Variants in EFR3B observed in about 807,000 individuals in gnomAD.
EFR3B encodes the protein protein EFR3 homolog B.
A neutral mutation model predicts 104.7 loss-of-function variants in EFR3B; 64 were observed. The ratio of observed to expected loss-of-function variants is 0.61; its 90% CI spans 0.50 to 0.75. EFR3B has a LOEUF of 0.75. EFR3B is among the 30% of genes least tolerant of loss of function. The probability of loss-of-function intolerance (pLI) is 0.00; values close to 1 mark genes in which losing one functional copy is unlikely to be tolerated. For missense variants in EFR3B, 750 were observed against 1,078.5 expected, an observed-to-expected ratio of 0.70 and a Z score of 4.27; for synonymous variants, 385 against 417.9, an observed-to-expected ratio of 0.92 and a Z score of 0.96.
rs1050879641 is a variant in EFR3B, at chr2:25,157,803, C to T, written c.*3463C>T. 1.3e-5 allele frequency: 2 copies of T among 152,202 alleles called. No homozygotes were observed. Among genetic ancestry groups the T allele is most frequent in the African/African-American group, 4.8e-5 (2 of 41,416 alleles). 9.4% of individuals were successfully genotyped at this position (152,202 alleles called of 1,614,324 possible). On this transcript the variant is annotated 3_prime_UTR_variant, in exon 23 of 23. Coordinates refer to ENST00000403714, the MANE Select transcript of EFR3B (RefSeq NM_014971.2). ...TGTGCCTGTTTCCATTTCCCTCTCTCTTTGAAAAGTAGAAATCAGTGGTTT... is the reference window on the plus strand; with the variant it reads ...TGTGCCTGTTTCCATTTCCCTCTCTTTTTGAAAAGTAGAAATCAGTGGTTT...
In EFR3B at chr2:25,101,363, T is replaced by C. The variant is rs1669426681; in HGVS notation, c.213-2274T>C. Among the ~76,000 whole-genome samples, 7 of 152,300 alleles carry C rather than the reference T, an allele frequency of 4.6e-5. No homozygotes were observed. The South Asian group carries it at 1.4e-3, about 32-fold the overall frequency. On this transcript the variant is annotated intron_variant, in intron 3 of 22. Transcript: ENST00000403714. ...ATTAATTAATTTATATGTTTGTTTA[T>C]TTTTGAGACAAGATCTCACCCTGTC...
At chr2:25,150,133 CAACTGAAA>C (rs958355832) in intron 20 of EFR3B, among the ~76,000 whole-genome samples, 5 of 151,950 alleles carry the variant, frequency 3.3e-5, no homozygotes, top group African/African-American at 1.2e-4. Flanking sequence ...AACCCTGTCT[CAACTGAAA>C]AAATACAAAA....
intron 22 of EFR3B, 127 bp downstream of exon 22, chr2:25,153,888 A>C: frequency 1.9e-6 from 2 of 1,033,158 alleles, no homozygotes; most frequent in Non-Finnish European, 2.9e-6. Context: ...TGTAATCTCT[A>C]TCCCCTGGGC....
chr2:25,124,926 C>T (rs567965195), intron 5 of EFR3B, among the ~76,000 whole-genome samples: 81 of 151,974 alleles, frequency 5.3e-4, no homozygotes, highest in Admixed American at 2.0e-3. Context: ...GGCATGGTAG[C>T]GCACAACTGT....
intron 4 of EFR3B, among the ~76,000 whole-genome samples, chr2:25,104,176 C>A (rs986294432): frequency 3.3e-5 from 5 of 151,840 alleles, no homozygotes; most frequent in Admixed American, 1.3e-4. Flanking sequence ...GGCAAAACCC[C>A]ATCTCTACTA....
rs1038775730 is a variant in EFR3B, at chr2:25,042,369, A to G, written c.7+50A>G. On this transcript the variant is annotated intron_variant, in intron 1 of 22. Transcript: ENST00000403714. The surrounding 1 kb of genome is among the most constrained non-coding windows in gnomAD (Gnocchi z 5.4). ...CCGGGCCCGCGGGGGCGACTCCGCA[A>G]ACTTCCCCGGCGCGGACCATTGTCC... 9.7e-6 allele frequency: 12 copies of G among 1,238,210 alleles called. No individual in the cohort carries two copies. The highest frequency in any genetic ancestry group is 3.3e-5 in the South Asian group (1 of 30,238). The allele number at this position is 1,238,210 out of a possible 1,614,324, so 76.7% of individuals were successfully genotyped here. A position where few individuals can be genotyped will look rare whatever the true frequency, so the allele number is the denominator to read the frequency against.
At chr2:25,148,234 C>T (rs1032852326) in intron 19 of EFR3B, among the ~76,000 whole-genome samples, 2 of 151,212 alleles carry the variant, frequency 1.3e-5, no homozygotes, top group Admixed American at 1.3e-4. Flanking sequence ...ACCTCAGCAG[C>T]CGGGGAGGGC....
chr2:25,061,391 G>A (rs557908133), intron 1 of EFR3B, among the ~76,000 whole-genome samples: 1 of 152,146 alleles, frequency 6.6e-6, no homozygotes, highest in Admixed American at 6.6e-5. Context: ...GGGATTACAG[G>A]CGGGATGCAC....
chr2:25,135,404 A>T (rs765317992), intron 12 of EFR3B, 63 bp from the exon 13 acceptor site: 65 of 1,532,510 alleles, frequency 4.2e-5, no homozygotes, highest in Non-Finnish European at 3.4e-5. Flanking sequence ...CTGCTCCTCC[A>T]TCTCCTCCTG....
intron 4 of EFR3B, among the ~76,000 whole-genome samples, chr2:25,119,077 T>C (rs772028835): frequency 9.2e-5 from 14 of 152,218 alleles, no homozygotes; most frequent in Non-Finnish European, 1.6e-4. Flanking sequence ...CCTCTTTTTT[T>C]CATCATTTCT....
In EFR3B at chr2:25,130,133, T is replaced by A. The variant is rs1208497241; in HGVS notation, c.770+24T>A. 1.3e-6 allele frequency: 2 copies of A among 1,551,774 alleles called. No individual in the cohort carries two copies. Among genetic ancestry groups the A allele is most frequent in the Admixed American group, 3.9e-5 (2 of 51,004 alleles). On this transcript the variant is annotated intron_variant, in intron 7 of 22. Coordinates refer to ENST00000403714, the MANE Select transcript of EFR3B (RefSeq NM_014971.2). The surrounding 1 kb of genome is among the most constrained non-coding windows in gnomAD (Gnocchi z 4.6). ...ATGTGAGTGCCCCCACCCACTGCCT[T>A]GGCCCCAGCCTTCAGCCTGGATGTG...
chr2:25,156,964 C>T lies in EFR3B; in HGVS notation c.*2624C>T, dbSNP rs1322994966. 6.6e-6 allele frequency: 1 copy of T among 152,180 alleles called. No homozygotes were observed. The highest frequency in any genetic ancestry group is 1.5e-5 in the Non-Finnish European group (1 of 68,040). The allele number at this position is 152,180 out of a possible 1,614,324, so 9.4% of individuals were successfully genotyped here. ...GTGGCAGCTTCATCCTGAGCACTGC[C>T]TGTGAGCCCTGGTTCTGGGACTTGG... On this transcript the variant is annotated 3_prime_UTR_variant, in exon 23 of 23. Coordinates refer to ENST00000403714, the MANE Select transcript of EFR3B (RefSeq NM_014971.2).
chr2:25,131,883 G>C lies in EFR3B; in HGVS notation c.1119G>C (p.Met373Ile). Residue 373 changes from methionine to isoleucine, a missense_variant, in exon 10 of 23, where the codon ATG (methionine) becomes ATC (isoleucine). By Grantham distance (10) the Met-to-Ile change is conservative. Transcript: ENST00000403714. The surrounding 1 kb of genome is among the most constrained non-coding windows in gnomAD (Gnocchi z 7.6). ...TCATCAAGGAGCACGAGGAGCGCAT[G>C]TTCCAGGAGGCCGTCATCAAGACCG... ...TKIIKEHEER[M>I]FQEAVIKTVG... 6.5e-7 allele frequency: 1 copy of C among 1,539,760 alleles called. No individual in the cohort carries two copies. The highest frequency in any genetic ancestry group is 8.8e-7 in the Non-Finnish European group (1 of 1,141,578).
intron 1 of EFR3B, among the ~76,000 whole-genome samples, chr2:25,089,790 A>C (rs1400730585): frequency 6.6e-6 from 1 of 152,138 alleles, no homozygotes; most frequent in East Asian, 1.9e-4. Context: ...GAGCCTGGGC[A>C]TGCAGCCCGC....
chr2:25,100,839 A>G (rs1272653994), intron 3 of EFR3B, among the ~76,000 whole-genome samples: 1 of 152,168 alleles, frequency 6.6e-6, no homozygotes, highest in African/African-American at 2.4e-5. Flanking sequence ...ATTCCACATG[A>G]TTTGACATTA....
intron 15 of EFR3B, 70 bp from the exon 16 acceptor site, chr2:25,138,989 G>T (rs1444171745): frequency 6.5e-7 from 1 of 1,533,598 alleles, no homozygotes; most frequent in East Asian, 2.5e-5. Flanking sequence ...GGAAGAGGTC[G>T]GGTGGAGCGT....
intron 1 of EFR3B, among the ~76,000 whole-genome samples, chr2:25,087,482 A>C (rs1250138282): frequency 7.1e-6 from 1 of 139,902 alleles, no homozygotes; most frequent in Middle Eastern, 3.3e-3. Context: ...GAAGAGCAGG[A>C]TTTTTTTTTT....
intron 3 of EFR3B, among the ~76,000 whole-genome samples, chr2:25,100,214 A>T (rs12988548): frequency 0.24 from 36,592 of 151,376 alleles, 5,591 homozygotes; most frequent in East Asian, 0.52. Context: ...CAAAAAAAAA[A>T]TTTTTTTTTA....
At chr2:25,068,921 G>T (rs532942299) in intron 1 of EFR3B, among the ~76,000 whole-genome samples, 3 of 140,370 alleles carry the variant, frequency 2.1e-5, no homozygotes, top group African/African-American at 5.4e-5. Context: ...GAGCCACCGC[G>T]CCCGGCATCT....
Sources: gnomAD v4.1 joint callset for allele counts (sites outside exome capture counted in the v4.1 genomes callset) on GRCh38, gnomAD v4.1.1 for gene constraint, Gnocchi (gnomAD v3.1) non-coding constraint, MANE v1.5 for transcripts, NCBI Gene and HGNC (gene_info 2026-07-23, HGNC 2026-07-21) for gene names.